Variants in LRIG1 observed in about 807,000 individuals in gnomAD.
LRIG1 encodes leucine-rich repeats and immunoglobulin-like domains protein 1.
In LRIG1, 48 loss-of-function variants were observed where a neutral mutation model predicts 99.2. That is an observed-to-expected ratio of 0.48 (90% CI 0.38 to 0.62). LRIG1 has a LOEUF of 0.62. Ranked by LOEUF, LRIG1 falls within the 20% of genes least tolerant of loss-of-function variation. LRIG1 has a pLI of 0.00. For missense variants in LRIG1, 1,646 were observed against 1,434.4 expected (o/e 1.15, Z -2.38); for synonymous variants, 772 against 596.1 (o/e 1.29, Z -4.30).
intron 3 of LRIG1, chr3:66,417,511 A>C (rs769880925): frequency 4.1e-6 from 2 of 486,702 alleles, no homozygotes; most frequent in Non-Finnish European, 7.5e-6. Context: ...CTCCAAGGGC[A>C]ACAACACAGC....
chr3:66,438,470 G>A (rs932001502), intron 3 of LRIG1, among the ~76,000 whole-genome samples: 2 of 152,194 alleles, frequency 1.3e-5, no homozygotes, highest in Admixed American at 1.3e-4. Flanking sequence ...CCTTACAGGT[G>A]AGGGAACAGA....
At position 66,380,457 on chromosome 3, in the gene LRIG1, G is replaced by A. The variant is rs772555807; in HGVS notation, c.3088C>T (p.His1030Tyr). 1.8e-5 allele frequency: 29 copies of A among 1,614,044 alleles called. No individual in the cohort carries two copies. Among genetic ancestry groups the A allele is most frequent in the Non-Finnish European group, 2.3e-5 (27 of 1,180,036 alleles). ...GGCTGTAGCTCTGTGGAGTCCGGGTGATACAACCTTGCTAAAGTCCAGGAA... is the reference window on the plus strand; with the variant it reads ...GGCTGTAGCTCTGTGGAGTCCGGGTAATACAACCTTGCTAAAGTCCAGGAA... ...DSSWTLARLY[H>Y]PDSTELQPAS... The change falls in exon 19 of 19, where the codon CAC (histidine) becomes TAC (tyrosine). Residue 1030 changes from histidine (H) to tyrosine (Y), a missense_variant. Physicochemically the swap from His to Tyr is moderately conservative, Grantham distance 83. Transcript: ENST00000273261.
At chr3:66,401,248 T>C (rs773565614) in intron 9 of LRIG1, among the ~76,000 whole-genome samples, 3 of 152,230 alleles carry the variant, frequency 2.0e-5, no homozygotes, top group Non-Finnish European at 4.4e-5. Flanking sequence ...CTGATGGCCA[T>C]GCTAACTTAG....
At chr3:66,483,895 G>C (rs374598632) in intron 1 of LRIG1, among the ~76,000 whole-genome samples, 2 of 152,202 alleles carry the variant, frequency 1.3e-5, no homozygotes, top group African/African-American at 4.8e-5. Context: ...GGGACGAGGC[G>C]CCCGAGGACC....
intron 1 of LRIG1, among the ~76,000 whole-genome samples, chr3:66,494,026 G>T (rs1033823440): frequency 1.3e-5 from 2 of 151,140 alleles, no homozygotes; most frequent in Admixed American, 1.3e-4. Context: ...GAAGGGGAAG[G>T]GAAGAAGGAA....
Position 66,477,891 on chromosome 3 carries a change from G to A in LRIG1, c.219-15382C>T, listed in dbSNP as rs1285772937. Among the ~76,000 whole-genome samples the A allele has an allele frequency of 2.0e-5, 3 of 152,006 alleles. No homozygotes were observed. The East Asian group carries it at 5.8e-4, about 30-fold the overall frequency. ...AGGAGTGGCCTGCTGTAGGATAGGA[G>A]GATTACCAAACAGATGTTGGTTGTT... On this transcript the variant is annotated intron_variant, in intron 1 of 18. Coordinates refer to ENST00000273261, the MANE Select transcript of LRIG1 (RefSeq NM_015541.3).
chr3:66,489,240 T>C (rs1047572045), intron 1 of LRIG1, among the ~76,000 whole-genome samples: 1 of 152,198 alleles, frequency 6.6e-6, no homozygotes, highest in African/African-American at 2.4e-5. Context: ...GTAGCAAACA[T>C]TGGCCTAGCA....
chr3:66,483,264 C>A (rs6781982), intron 1 of LRIG1, among the ~76,000 whole-genome samples: 1 of 152,154 alleles, frequency 6.6e-6, no homozygotes, highest in African/African-American at 2.4e-5. Flanking sequence ...GGAGCTCTGC[C>A]AGCTGGGTTC....
intron 2 of LRIG1, among the ~76,000 whole-genome samples, chr3:66,453,096 T>G (rs902200972): frequency 1.3e-5 from 2 of 152,216 alleles, no homozygotes; most frequent in African/African-American, 2.4e-5. Flanking sequence ...AAACTCCCCA[T>G]TAGTCTTAAT....
intron 1 of LRIG1, among the ~76,000 whole-genome samples, chr3:66,493,076 T>G (rs1575735537): frequency 1.4e-5 from 2 of 139,908 alleles, no homozygotes; most frequent in South Asian, 4.1e-4. Flanking sequence ...TCTCCTGTCC[T>G]CCCTCCTCCC....
At chr3:66,457,434 A>G (rs1461254774) in intron 2 of LRIG1, among the ~76,000 whole-genome samples, 3 of 152,108 alleles carry the variant, frequency 2.0e-5, no homozygotes, top group Non-Finnish European at 2.9e-5. Context: ...AGGGAGTGAC[A>G]CTAGGGATAG....
chr3:66,455,786 TACTA>T (rs769205279), intron 2 of LRIG1, among the ~76,000 whole-genome samples: 1 of 152,348 alleles, frequency 6.6e-6, no homozygotes, highest in South Asian at 2.1e-4. Flanking sequence ...GAATAATGTA[TACTA>T]ACTAATTGAT....
chr3:66,393,935 G>C (rs1408052527), intron 12 of LRIG1, 105 bp downstream of exon 12: 64 of 1,218,272 alleles, frequency 5.3e-5, no homozygotes, highest in Non-Finnish European at 7.4e-5. Flanking sequence ...TGTAACCACG[G>C]GCTGGGGTTT....
chr3:66,384,809 A>AGCT (rs1279601142), intron 13 of LRIG1, among the ~76,000 whole-genome samples: 1 of 152,182 alleles, frequency 6.6e-6, no homozygotes, highest in Non-Finnish European at 1.5e-5. Context: ...TCAGCTTGCT[A>AGCT]GCTTGCTCAG....
chr3:66,468,583 G>C (rs1297957851), intron 1 of LRIG1, among the ~76,000 whole-genome samples: 5 of 152,190 alleles, frequency 3.3e-5, no homozygotes, highest in African/African-American at 1.2e-4. Flanking sequence ...GAAAGTAAGT[G>C]TGAGGCAATC....
Position 66,431,916 on chromosome 3 carries a change from C to T in LRIG1, c.366-14650G>A, listed in dbSNP as rs148421046. ...TGACTGTCCCTCTCTAGAAGATACA[C>T]GTAGAAAAAAAGATAGGGAATACAG... is the stretch of plus-strand genomic sequence containing the variant. On this transcript the variant is annotated intron_variant, in intron 3 of 18. Coordinates refer to ENST00000273261, the MANE Select transcript of LRIG1 (RefSeq NM_015541.3). Among the ~76,000 whole-genome samples, 19 of 152,108 alleles carry T rather than the reference C, an allele frequency of 1.2e-4. No homozygotes were observed. The East Asian group carries it at 3.3e-3, about 26-fold the overall frequency.
At position 66,448,374 on chromosome 3, in the gene LRIG1, A is replaced by G. The variant is rs1438061076; in HGVS notation, c.365+3185T>C. On this transcript the variant is annotated intron_variant, in intron 3 of 18. Transcript: ENST00000273261. ...GAGAAAGGGCCAACTTCCAGAGGCAAAAGTCCATAATTATAGGTGTCCAAG... is the reference window on the plus strand; with the variant it reads ...GAGAAAGGGCCAACTTCCAGAGGCAGAAGTCCATAATTATAGGTGTCCAAG... Among the ~76,000 whole-genome samples, 4 of 152,226 alleles carry G rather than the reference A, an allele frequency of 2.6e-5. No individual in the cohort carries two copies. The East Asian group carries it at 7.7e-4, about 29-fold the overall frequency.
intron 13 of LRIG1, 103 bp downstream of exon 13, chr3:66,385,878 G>A (rs892010310): frequency 9.4e-7 from 1 of 1,065,468 alleles, no homozygotes; most frequent in Non-Finnish European, 1.4e-6. Context: ...ACAGAAGCAT[G>A]TGTGTGTCCT....
At chr3:66,485,165 A>G (rs1469760810) in intron 1 of LRIG1, among the ~76,000 whole-genome samples, 3 of 152,072 alleles carry the variant, frequency 2.0e-5, no homozygotes, top group African/African-American at 7.2e-5. Flanking sequence ...CAAAAAAAAA[A>G]AAAAAAGGAA....
Sources: allele counts gnomAD v4.1 joint callset (sites outside exome capture counted in the v4.1 genomes callset), GRCh38; gene constraint gnomAD v4.1.1; transcripts MANE v1.5; gene names NCBI Gene and HGNC (gene_info 2026-07-23, HGNC 2026-07-21).